The following BRDT variants were observed in gnomAD, a reference collection of about 807,000 sequenced individuals.
BRDT encodes bromodomain testis associated.
In BRDT, 77 loss-of-function variants were observed where a neutral mutation model predicts 113.9. The observed-to-expected ratio is 0.68, with a 90% CI of 0.56 to 0.82. The LOEUF (loss-of-function observed/expected upper bound fraction) is 0.82, where lower values mean the gene tolerates loss of function less well. Ranked by LOEUF, BRDT falls within the 40% of genes least tolerant of loss-of-function variation. The pLI is 0.00. For synonymous variants in BRDT, 358 were observed against 366.5 expected (o/e 0.98, Z 0.26); for missense variants, 1,027 against 1,105.4 (o/e 0.93, Z 1.01).
chr1:92,007,380 C>T (rs560119194), intron 18 of BRDT, among the ~76,000 whole-genome samples: 18 of 152,260 alleles, frequency 1.2e-4, no homozygotes, highest in Non-Finnish European at 1.8e-4. Context: ...TGCTCCTCTC[C>T]GTCCTCCCAA....
intron 15 of BRDT, among the ~76,000 whole-genome samples, chr1:92,000,870 C>T (rs1686771628): frequency 6.6e-6 from 1 of 152,186 alleles, no homozygotes; most frequent in Non-Finnish European, 1.5e-5. Flanking sequence ...ATAGGTCAAT[C>T]TTTTAGTCAT....
intron 15 of BRDT, among the ~76,000 whole-genome samples, chr1:91,999,041 ATAT>A (rs942143952): frequency 6.6e-6 from 1 of 152,020 alleles, no homozygotes; most frequent in African/African-American, 2.4e-5. Context: ...TAATTTGCCA[ATAT>A]TATTTAGGTG....
chr1:92,003,741 A>T (rs1687050206), intron 16 of BRDT, among the ~76,000 whole-genome samples: 1 of 152,216 alleles, frequency 6.6e-6, no homozygotes, highest in Non-Finnish European at 1.5e-5. Context: ...ATGACTTAGT[A>T]TGAAAAAATA....
At chr1:91,975,089 C>T (rs1338252382) in intron 4 of BRDT, among the ~76,000 whole-genome samples, 1 of 151,882 alleles carries the variant, frequency 6.6e-6, no homozygotes. Flanking sequence ...AATGAGAGCA[C>T]TTGGACACAG....
At chr1:91,975,530 G>A (rs1684051761) in intron 4 of BRDT, among the ~76,000 whole-genome samples, 1 of 152,186 alleles carries the variant, frequency 6.6e-6, no homozygotes, top group African/African-American at 2.4e-5. Context: ...GATGCCTTGG[G>A]CCAGAGTGAA....
At chr1:91,970,941 GAA>G (rs1343329321) in intron 4 of BRDT, among the ~76,000 whole-genome samples, 1 of 148,268 alleles carries the variant, frequency 6.7e-6, no homozygotes, top group Non-Finnish European at 1.5e-5. Context: ...GAAAAGGAAA[GAA>G]ATATGTGAGG....
chr1:92,004,551 A>G lies in BRDT; in HGVS notation c.2526A>G (p.Thr842=), dbSNP rs761520668. The change falls in exon 17 of 19, where the codon ACA becomes ACG. Residue 842 remains threonine (T), a synonymous_variant. Transcript: ENST00000399546. ...TAGAAAAGGAAGTAAAAGCTCGGAC[A>G]CAGGAACTCATACGGAAGCATTTGG... is the stretch of plus-strand genomic sequence containing the variant. The part of the protein sequence containing the change: ...AAIEKEVKAR[T]QELIRKHLEQ... 6.2e-7 allele frequency: 1 copy of G among 1,613,424 alleles called. No homozygotes were observed. The highest frequency in any genetic ancestry group is 8.5e-7 in the Non-Finnish European group (1 of 1,179,736).
At chr1:92,008,276 C>T (rs1687508062) in intron 18 of BRDT, among the ~76,000 whole-genome samples, 1 of 152,178 alleles carries the variant, frequency 6.6e-6, no homozygotes. Context: ...GCATAAAGGA[C>T]TTCCTTTGAA....
chr1:91,993,872 A>G (rs1254411487), intron 14 of BRDT, among the ~76,000 whole-genome samples: 2 of 152,242 alleles, frequency 1.3e-5, no homozygotes, highest in Non-Finnish European at 2.9e-5. Context: ...TGTAAGCCAT[A>G]TAATGGCCAA....
Position 91,980,628 on chromosome 1 carries a change from TTTTTC to T in BRDT, c.1288-10_1288-6del, listed in dbSNP as rs752729129. On this transcript the variant is annotated splice_polypyrimidine_tract_variant and intron_variant, in intron 8 of 18. Coordinates refer to ENST00000399546, the MANE Select transcript of BRDT (RefSeq NM_207189.4). ...TAGAGACATGAATGTTTACAGATTTTTTTTCTTTTATCAGCTTAAAGCTGTACATC... is the reference window on the plus strand; with the variant it reads ...TAGAGACATGAATGTTTACAGATTTTTTTTATCAGCTTAAAGCTGTACATC... 3 of 1,440,272 alleles carry T rather than the reference TTTTTC, an allele frequency of 2.1e-6. No homozygotes were observed. Among genetic ancestry groups the T allele is most frequent in the Non-Finnish European group, 2.7e-6 (3 of 1,097,462 alleles). The allele number at this position is 1,440,272 out of a possible 1,614,324, so 89.2% of individuals were successfully genotyped here. A position where few individuals can be genotyped will look rare whatever the true frequency, so the allele number is the denominator to read the frequency against.
At chr1:91,972,947 T>C (rs569263229) in intron 4 of BRDT, among the ~76,000 whole-genome samples, 1 of 152,250 alleles carries the variant, frequency 6.6e-6, no homozygotes, top group South Asian at 2.1e-4. Flanking sequence ...AATGTGACAA[T>C]GGCATGGAAA....
At chr1:91,970,562 T>C (rs1033136035) in intron 4 of BRDT, among the ~76,000 whole-genome samples, 17 of 152,166 alleles carry the variant, frequency 1.1e-4, no homozygotes, top group African/African-American at 3.6e-4. Context: ...CCACCATGCA[T>C]GGCCAAGAGT....
chr1:91,958,171 T>C (rs1478557150), intron 1 of BRDT, among the ~76,000 whole-genome samples: 3 of 151,222 alleles, frequency 2.0e-5, no homozygotes, highest in African/African-American at 7.3e-5. Context: ...AGAACGACAT[T>C]CAGGCTTTCA....
rs1681140964 is a variant in BRDT at position 91,951,964 on chromosome 1, G to GT, written c.-38+2282_-38+2283insT. 3.3e-5 allele frequency among the ~76,000 whole-genome samples: 5 copies of GT among 152,180 alleles called. No individual in the cohort carries two copies. In the South Asian group the frequency reaches 1.0e-3, roughly 32 times the overall value. ...TTTGGGAGGCCAAGGTCAGAGGATC[G>GT]CCTGAGTTCAGGAGTTTGAGACCAG... is the stretch of plus-strand genomic sequence containing the variant. On this transcript the variant is annotated intron_variant, in intron 1 of 18. Transcript: ENST00000399546.
intron 7 of BRDT, 84 bp downstream of exon 7, chr1:91,978,380 GAAT>G (rs1684358846): frequency 6.7e-7 from 1 of 1,487,212 alleles, no homozygotes; most frequent in Admixed American, 2.0e-5. Context: ...AAGAGATAAA[GAAT>G]AATAACTCCT....
intron 12 of BRDT, among the ~76,000 whole-genome samples, chr1:91,984,064 A>C (rs2101694103): frequency 6.6e-6 from 1 of 152,326 alleles, no homozygotes; most frequent in South Asian, 2.1e-4. Flanking sequence ...TTAGTTGTTT[A>C]TTTTTGAAAT....
Position 92,005,262 on chromosome 1 carries a change from C to A in BRDT, c.2738C>A (p.Ala913Glu). The change falls in exon 18 of 19, where the codon GCA (alanine) becomes GAA (glutamate). Residue 913 changes from alanine to glutamate, a missense_variant. Physicochemically the swap from Ala to Glu is moderately radical, Grantham distance 107. Coordinates refer to ENST00000399546, the MANE Select transcript of BRDT (RefSeq NM_207189.4). ...TGGCTTCTCAAAGACCGTGATTTAG[C>A]AAGGCAGAAAGAACAAGAGAGGAGG... ...KLWLLKDRDL[A>E]RQKEQERRRR... The A allele has an allele frequency of 6.3e-7, 1 of 1,579,958 alleles. No homozygotes were observed. The highest frequency in any genetic ancestry group is 1.9e-5 in the Admixed American group (1 of 52,322).
chr1:91,968,306 C>T (rs1683274501), intron 4 of BRDT, 46 bp downstream of exon 4: 1 of 1,594,974 alleles, frequency 6.3e-7, no homozygotes, highest in African/African-American at 1.3e-5. Flanking sequence ...CTTTTTTTCC[C>T]CTATCTATCT....
At chr1:91,955,565 A>G (rs1203992611) in intron 1 of BRDT, among the ~76,000 whole-genome samples, 1 of 152,238 alleles carries the variant, frequency 6.6e-6, no homozygotes, top group Admixed American at 6.5e-5. Flanking sequence ...GGCTTTAGGG[A>G]AAGTGAAATA....
Sources: allele counts gnomAD v4.1 joint callset (sites outside exome capture counted in the v4.1 genomes callset), GRCh38; gene constraint gnomAD v4.1.1; transcripts MANE v1.5; gene names NCBI Gene and HGNC (gene_info 2026-07-23, HGNC 2026-07-21).